CEP131: variants seen among roughly 807,000 people sequenced by gnomAD.
CEP131 encodes the protein centrosomal protein of 131 kDa.
Under a neutral mutation model 136.8 loss-of-function variants are expected in CEP131, and 99 were observed. The ratio of observed to expected loss-of-function variants is 0.72; its 90% CI spans 0.62 to 0.86. The LOEUF is 0.86. Among genes scored for constraint, CEP131 ranks in the 40% least tolerant of loss-of-function variants. The probability of loss-of-function intolerance (pLI) is 0.00; values close to 1 mark genes in which losing one functional copy is unlikely to be tolerated. For synonymous variants in CEP131, 646 were observed against 612.7 expected (o/e 1.05, Z -0.80); for missense variants, 1,459 against 1,463.0 (o/e 1.00, Z 0.04).
chr17:81,192,785 ACAGCCGCTG>A lies in CEP131; in HGVS notation c.2371_2379del (p.Gln791_Leu793del). On this transcript the variant is annotated inframe_deletion, in exon 19 of 26. Coordinates refer to ENST00000450824, the MANE Select transcript of CEP131 (RefSeq NM_014984.4). ...TCCCTCTCCTCAGCCACCTCACTGT[ACAGCCGCTG>A]CCGTTGCTGCTGCAGCGCCCACTGC... 6.3e-7 allele frequency: 1 copy of A among 1,597,396 alleles called. No homozygotes were observed. Among genetic ancestry groups the A allele is most frequent in the Non-Finnish European group, 8.5e-7 (1 of 1,178,266 alleles).
At chr17:81,190,315 A>G in intron 24 of CEP131, among the ~76,000 whole-genome samples, 1 of 152,120 alleles carries the variant, frequency 6.6e-6, no homozygotes. Flanking sequence ...GGAACCTTAC[A>G]GTGCCCCAGC....
intron 6 of CEP131, among the ~76,000 whole-genome samples, chr17:81,202,688 G>A (rs1024577493): frequency 2.6e-5 from 4 of 152,210 alleles, no homozygotes; most frequent in Non-Finnish European, 5.9e-5. Flanking sequence ...GAGGCTGGGT[G>A]CCCTGGCTCA....
chr17:81,209,112 G>T, intron 2 of CEP131, 90 bp from the exon 3 acceptor site: 1 of 954,874 alleles, frequency 1.0e-6, no homozygotes. Context: ...AACGCAGTCA[G>T]AGAACAGAGG....
chr17:81,199,659 A>T, intron 9 of CEP131, 60 bp downstream of exon 9: 1 of 1,599,268 alleles, frequency 6.3e-7, no homozygotes, highest in Non-Finnish European at 8.5e-7. Flanking sequence ...CCCCAGCAGC[A>T]GCCCCGCACG....
chr17:81,197,907 G>C lies in CEP131; in HGVS notation c.1471-19C>G. 6.2e-7 allele frequency: 1 copy of C among 1,603,992 alleles called. No homozygotes were observed. Among genetic ancestry groups the C allele is most frequent in the South Asian group, 1.1e-5 (1 of 90,496 alleles). Reference sequence around the variant, plus strand: ...CATCCTCCTGTGGGACAGGAGCCCAGCATCGGGGGCTGTCAGGGCAGCCTG... The same window carrying C: ...CATCCTCCTGTGGGACAGGAGCCCACCATCGGGGGCTGTCAGGGCAGCCTG... On this transcript the variant is annotated intron_variant, in intron 12 of 25. Transcript: ENST00000450824.
intron 15 of CEP131, among the ~76,000 whole-genome samples, chr17:81,196,443 G>A (rs1429850611): frequency 2.6e-5 from 4 of 152,210 alleles, no homozygotes; most frequent in South Asian, 2.1e-4. Flanking sequence ...GGAGCCAACC[G>A]GGGCTGCGAC....
chr17:81,191,509 T>C (rs1036374932), intron 21 of CEP131, among the ~76,000 whole-genome samples, 174 bp from the exon 22 acceptor site: 7 of 152,108 alleles, frequency 4.6e-5, no homozygotes, highest in Admixed American at 4.6e-4. Context: ...CAGGACCCAG[T>C]GTGGGCATAG....
rs957468640 is a variant in CEP131, at chr17:81,219,578, G to A, written c.177+302C>T. On this transcript the variant is annotated intron_variant, in intron 2 of 25. Coordinates refer to ENST00000450824, the MANE Select transcript of CEP131 (RefSeq NM_014984.4). The surrounding 1 kb of genome is among the most constrained non-coding windows in gnomAD (Gnocchi z 4.0). ...CTCCCAAAGTGCTGAGATTACAGGC[G>A]TGAGCCACCGAGCCCAGCCAACCCC... Among the ~76,000 whole-genome samples, 15 of 152,124 alleles carry A rather than the reference G, an allele frequency of 9.9e-5. No individual in the cohort carries two copies. The highest frequency in any genetic ancestry group is 6.2e-4 in the South Asian group (3 of 4,802).
chr17:81,207,616 C>T (rs972558981), intron 3 of CEP131, among the ~76,000 whole-genome samples: 8 of 151,934 alleles, frequency 5.3e-5, no homozygotes, highest in African/African-American at 1.9e-4. Context: ...TCCAAGAGTG[C>T]TGGGATTGCA....
chr17:81,195,562 C>T (rs888800549), intron 16 of CEP131, among the ~76,000 whole-genome samples: 21 of 152,148 alleles, frequency 1.4e-4, no homozygotes, highest in African/African-American at 4.6e-4. Flanking sequence ...CCTGGGTCCA[C>T]GGCTACCGTG....
At chr17:81,197,425 A>G (rs2061784775) in intron 13 of CEP131, 3 of 532,942 alleles carry the variant, frequency 5.6e-6, no homozygotes, top group Non-Finnish European at 1.0e-5. Flanking sequence ...ATCCACACAT[A>G]TGGGCTCGTG....
rs933507285 is a variant in CEP131, at chr17:81,203,420, C to T, written c.629+74G>A. ...ACCGCGTGCCCTGACCGAGGTCGGACCCCAGGTGCACTGACTACATGCCCT... is the reference window on the plus strand; with the variant it reads ...ACCGCGTGCCCTGACCGAGGTCGGATCCCAGGTGCACTGACTACATGCCCT... On this transcript the variant is annotated intron_variant, in intron 6 of 25. Coordinates refer to ENST00000450824, the MANE Select transcript of CEP131 (RefSeq NM_014984.4). The surrounding 1 kb of genome is among the most constrained non-coding windows in gnomAD (Gnocchi z 4.6). The T allele has an allele frequency of 4.8e-6, 6 of 1,261,448 alleles. No individual in the cohort carries two copies. The South Asian group carries it at 6.5e-5, about 14-fold the overall frequency. The allele number at this position is 1,261,448 out of a possible 1,614,324, so 78.1% of individuals were successfully genotyped here. A position where few individuals can be genotyped will look rare whatever the true frequency, so the allele number is the denominator to read the frequency against.
chr17:81,198,261 C>A lies in CEP131; in HGVS notation c.1324G>T (p.Glu442Ter). The A allele has an allele frequency of 6.2e-7, 1 of 1,604,198 alleles. No homozygotes were observed. Residue 442 changes from glutamate to a stop codon, truncating the protein, a stop_gained, in exon 12 of 26, where the codon GAG (glutamate) becomes TAG (stop). Coordinates refer to ENST00000450824, the MANE Select transcript of CEP131 (RefSeq NM_014984.4). LOFTEE classifies it high-confidence loss of function. ...CTCCCCCTGCTCGGGGCCATCATCT[C>A]CAGGTTGTCCCCAGCTGCATCCTGG... Reference protein sequence around the residue: ...LAQDAAGDNLEMMAPSRGSAK... With the variant: ...LAQDAAGDNL
At chr17:81,199,000 C>A in intron 10 of CEP131, 29 bp from the exon 11 acceptor site, 1 of 1,495,368 alleles carries the variant, frequency 6.7e-7, no homozygotes, top group Non-Finnish European at 8.9e-7. Flanking sequence ...CACCATTCCA[C>A]AGGGAGCATC....
intron 15 of CEP131, among the ~76,000 whole-genome samples, chr17:81,196,320 G>A (rs967063079): frequency 6.6e-6 from 1 of 152,170 alleles, no homozygotes; most frequent in Non-Finnish European, 1.5e-5. Flanking sequence ...CCTCACTGCC[G>A]GCCCCAGGCC....
rs200829404 is a variant in CEP131, at chr17:81,203,558, G to A, written c.565C>T (p.Arg189Cys). 85 of 1,608,272 alleles carry A rather than the reference G, an allele frequency of 5.3e-5. No homozygotes were observed. The East Asian group carries it at 1.3e-3, about 24-fold the overall frequency. Residue 189 changes from arginine to cysteine, a missense_variant, in exon 6 of 26, where the codon CGC becomes TGC. Arg to Cys is a radical substitution (Grantham distance 180). This residue lies in a region of CEP131 where 246 missense variants were observed against 318.9 expected (regional missense o/e 0.77). Coordinates refer to ENST00000450824, the MANE Select transcript of CEP131 (RefSeq NM_014984.4). This position sits in a 1 kb window ranked among gnomAD's most constrained non-coding sequence, Gnocchi z 4.6. ...GGCGCCCTCTCCGAGGGGGTGTAGC[G>A]GTTGTGCACCATGGTGGTGACGCAG... Reference protein sequence around the residue: ...GNCVTTMVHNRYTPSERAPPL... With the variant: ...GNCVTTMVHNCYTPSERAPPL...
intron 7 of CEP131, among the ~76,000 whole-genome samples, chr17:81,201,996 G>A (rs1343970297): frequency 2.6e-5 from 4 of 151,996 alleles, no homozygotes; most frequent in Non-Finnish European, 5.9e-5. Context: ...AGCTACTCGG[G>A]AGGCTGAGGC....
In CEP131 at chr17:81,198,019, G is replaced by A. The variant is rs1218276236; in HGVS notation, c.1470+96C>T. 9.4e-6 allele frequency: 14 copies of A among 1,483,444 alleles called. No individual in the cohort carries two copies. In the Admixed American group the frequency reaches 2.5e-4, roughly 26 times the overall value. 91.9% of individuals were successfully genotyped at this position (1,483,444 alleles called of 1,614,324 possible). On this transcript the variant is annotated intron_variant, in intron 12 of 25. Coordinates refer to ENST00000450824, the MANE Select transcript of CEP131 (RefSeq NM_014984.4). The stretch of plus-strand genomic sequence containing the variant: ...GTGACTAAAGCCAGGAGGAGCCTGT[G>A]GCATCCCCATTTTCCCAACCCCCAC...
At chr17:81,209,530 G>A (rs2062087089) in intron 2 of CEP131, among the ~76,000 whole-genome samples, 1 of 152,172 alleles carries the variant, frequency 6.6e-6, no homozygotes, top group Non-Finnish European at 1.5e-5. Context: ...CGTGGAAAGG[G>A]GTGGAGGGGA....
Sources: allele counts gnomAD v4.1 joint callset (sites outside exome capture counted in the v4.1 genomes callset), GRCh38; gene constraint gnomAD v4.1.1; regional missense constraint gnomAD v4.1.1; non-coding constraint Gnocchi (gnomAD v3.1); transcripts MANE v1.5; gene names NCBI Gene and HGNC (gene_info 2026-07-23, HGNC 2026-07-21).